SECISBP2L: variants seen among roughly 807,000 people sequenced by gnomAD.
SECISBP2L encodes SECIS binding protein 2 like.
In SECISBP2L, 43 loss-of-function variants were observed where a neutral mutation model predicts 114.7. The ratio of observed to expected loss-of-function variants is 0.38; its 90% confidence interval spans 0.29 to 0.48. The LOEUF (loss-of-function observed/expected upper bound fraction) is 0.48. Ranked by LOEUF, SECISBP2L falls within the 20% of genes least tolerant of loss-of-function variation. The pLI, the probability that SECISBP2L is intolerant of heterozygous loss-of-function variation, is 0.98. For synonymous variants in SECISBP2L, 451 were observed against 439.7 expected (o/e 1.03, Z -0.32); for missense variants, 1,136 against 1,301.1 (o/e 0.87, Z 1.95).
At chr15:49,005,860 C>T (rs1270016561) in intron 14 of SECISBP2L, among the ~76,000 whole-genome samples, 3 of 151,988 alleles carry the variant, frequency 2.0e-5, no homozygotes, top group Non-Finnish European at 4.4e-5. Context: ...ACGGTCTTTA[C>T]AATTTGGTAT....
Position 48,988,651 on chromosome 15 carries a change from A to C in SECISBP2L, c.*3593T>G, listed in dbSNP as rs1201699189. 2 of 456,254 alleles carry C rather than the reference A, an allele frequency of 4.4e-6. No homozygotes were observed. The highest frequency in any genetic ancestry group is 3.1e-5 in the South Asian group (2 of 64,546). 28.3% of individuals were successfully genotyped at this position (456,254 alleles called of 1,614,324 possible). A position where few individuals can be genotyped will look rare whatever the true frequency, so the allele number is the denominator to read the frequency against. Reference sequence around the variant, plus strand: ...TGAAAGGACAGATTTCATTTCAATAATCATTTTATTAGTACAGAAGAATCC... The same window carrying C: ...TGAAAGGACAGATTTCATTTCAATACTCATTTTATTAGTACAGAAGAATCC... On this transcript the variant is annotated 3_prime_UTR_variant, in exon 18 of 18. Transcript: ENST00000559471.
chr15:49,029,079 C>T (rs1357278597), intron 4 of SECISBP2L, among the ~76,000 whole-genome samples: 1 of 152,160 alleles, frequency 6.6e-6, no homozygotes, highest in Non-Finnish European at 1.5e-5. Flanking sequence ...GTCTCAAACT[C>T]CTGAGCTCAA....
rs373568178 is a variant in SECISBP2L, at chr15:49,033,062, C to T, written c.567G>A (p.Pro189=). Residue 189 remains proline, a synonymous_variant, in exon 4 of 18, where the codon CCG becomes CCA. Coordinates refer to ENST00000559471, the MANE Select transcript of SECISBP2L (RefSeq NM_001193489.2). ...LLQQHIKSKR[P]LVKNVATQKE... Reference sequence around the variant, plus strand: ...TCTGAGTAGCTACATTTTTCACCAGCGGCCTTTTGCTTTTTATGTGCTGTT... The same window carrying T: ...TCTGAGTAGCTACATTTTTCACCAGTGGCCTTTTGCTTTTTATGTGCTGTT... The T allele has an allele frequency of 1.3e-4, 208 of 1,613,768 alleles. 4 individuals are homozygous for T. Among genetic ancestry groups the T allele is most frequent in the South Asian group, 1.2e-3 (105 of 91,064 alleles).
chr15:49,032,025 T>C (rs998787636), intron 4 of SECISBP2L, among the ~76,000 whole-genome samples: 1 of 152,202 alleles, frequency 6.6e-6, no homozygotes, highest in Non-Finnish European at 1.5e-5. Flanking sequence ...GACTGTACTA[T>C]CAACAAGGCT....
chr15:48,992,715 T>C lies in SECISBP2L; in HGVS notation c.2835A>G (p.Glu945=). ...AGKSTASDKE[E]VKPDDLEWAS... is the part of the protein sequence containing the mutation. ...CCCATTCCAGGTCATCTGGCTTCAC[T>C]TCCTCTTTATCACTTGCTGTGGATT... Residue 945 remains glutamate (E), a synonymous_variant, in exon 18 of 18, where the codon GAA becomes GAG. Coordinates refer to ENST00000559471, the MANE Select transcript of SECISBP2L (RefSeq NM_001193489.2). The C allele has an allele frequency of 6.2e-7, 1 of 1,614,226 alleles. No individual in the cohort carries two copies. The highest frequency in any genetic ancestry group is 8.5e-7 in the Non-Finnish European group (1 of 1,180,036).
At chr15:48,997,244 GGAGTGA>G (rs1365011141) in intron 16 of SECISBP2L, among the ~76,000 whole-genome samples, 6 of 152,196 alleles carry the variant, frequency 3.9e-5, no homozygotes, top group African/African-American at 1.4e-4. Flanking sequence ...AGAATATAAA[GGAGTGA>G]GTGTATTCTG....
chr15:49,001,019 T>G lies in SECISBP2L; in HGVS notation c.2106A>C (p.Glu702Asp), dbSNP rs942217092. Residue 702 changes from glutamate (E) to aspartate (D), a missense_variant, in exon 15 of 18, where the codon GAA becomes GAC. Around this residue, in one of 2 missense-constraint regions of SECISBP2L, gnomAD observed 684 missense variants for 848.7 expected, o/e 0.81. Coordinates refer to ENST00000559471, the MANE Select transcript of SECISBP2L (RefSeq NM_001193489.2). The stretch of plus-strand genomic sequence containing the variant: ...TTACAGGATCTTTTTGGTAGATGCG[T>G]TCCTGGAAACTGACAAGCTCTTGGA... ...LLLQELVSFQ[E>D]RIYQKDPVRA... 1.9e-6 allele frequency: 3 copies of G among 1,613,724 alleles called. No homozygotes were observed. The highest frequency in any genetic ancestry group is 2.5e-6 in the Non-Finnish European group (3 of 1,179,866).
Position 49,017,547 on chromosome 15 carries a change from C to A in SECISBP2L, c.1251+1G>T. ...GCTTTTCTTTTTAAAGAGTTACTTA[C>A]TACTTTAGAAGAAAGTTTTTGTTGA... On this transcript the variant is annotated splice_donor_variant, in intron 9 of 17. Coordinates refer to ENST00000559471, the MANE Select transcript of SECISBP2L (RefSeq NM_001193489.2). LOFTEE classifies it high-confidence loss of function. 2 of 1,574,724 alleles carry A rather than the reference C, an allele frequency of 1.3e-6. No individual in the cohort carries two copies. Among genetic ancestry groups the A allele is most frequent in the Non-Finnish European group, 1.7e-6 (2 of 1,151,288 alleles).
intron 3 of SECISBP2L, among the ~76,000 whole-genome samples, chr15:49,033,728 A>G (rs1448488206): frequency 6.6e-6 from 1 of 152,134 alleles, no homozygotes; most frequent in Non-Finnish European, 1.5e-5. Context: ...GCTACCCAGG[A>G]AGCTAAGGCA....
intron 16 of SECISBP2L, 62 bp from the exon 17 acceptor site, chr15:48,996,648 G>T: frequency 2.1e-6 from 3 of 1,398,784 alleles, no homozygotes; most frequent in Non-Finnish European, 2.0e-6. Context: ...TCCTATTATG[G>T]ATAATAAATA....
chr15:49,034,669 G>GTTTTCTTTTTT (rs566718009), intron 3 of SECISBP2L, among the ~76,000 whole-genome samples: 2 of 132,136 alleles, frequency 1.5e-5, no homozygotes, highest in Non-Finnish European at 3.2e-5. Context: ...TATATCTTTT[G>GTTTTCTTTTTT]TTTTTTTTTT....
At chr15:49,010,797 C>T (rs1902422373) in intron 13 of SECISBP2L, among the ~76,000 whole-genome samples, 1 of 152,234 alleles carries the variant, frequency 6.6e-6, no homozygotes, top group African/African-American at 2.4e-5. Flanking sequence ...TAGGCGTGAG[C>T]CACTGCGCCC....
chr15:49,031,384 T>A (rs1010930204), intron 4 of SECISBP2L, among the ~76,000 whole-genome samples: 3 of 152,148 alleles, frequency 2.0e-5, no homozygotes, highest in East Asian at 3.8e-4. Context: ...ATCCCATATG[T>A]CTTCTCTAAG....
chr15:48,992,908 A>G lies in SECISBP2L; in HGVS notation c.2642T>C (p.Met881Thr). Residue 881 changes from methionine (M) to threonine (T), a missense_variant, in exon 18 of 18, where the codon ATG (methionine) becomes ACG (threonine). Met to Thr is a moderately conservative substitution (Grantham distance 81). Around this residue, in one of 2 missense-constraint regions of SECISBP2L, gnomAD observed 684 missense variants for 848.7 expected, o/e 0.81. Transcript: ENST00000559471. ...EKEYETNWRN[M>T]VETSDGLEAS... ...TTCCAGTCCATCTGAAGTTTCCACC[A>G]TGTTTCTCCAATTTGTTTCTACAAG... The G allele has an allele frequency of 6.2e-7, 1 of 1,611,808 alleles. No homozygotes were observed. The highest frequency in any genetic ancestry group is 8.5e-7 in the Non-Finnish European group (1 of 1,178,306).
rs773792823 is a variant in SECISBP2L at position 49,028,565 on chromosome 15, T to C, written c.782A>G (p.Gln261Arg). 71 of 1,614,060 alleles carry C rather than the reference T, an allele frequency of 4.4e-5. No individual in the cohort carries two copies. The highest frequency in any genetic ancestry group is 5.8e-5 in the Non-Finnish European group (68 of 1,180,022). The change falls in exon 5 of 18, where the codon CAG becomes CGG. Residue 261 changes from glutamine to arginine, a missense_variant. Around this residue, in one of 2 missense-constraint regions of SECISBP2L, gnomAD observed 452 missense variants for 452.3 expected, o/e 1.00. Transcript: ENST00000559471. ...GTCAATGTCGGCTTCACTAGCCCCC[T>C]GCTCACTAGAAGATTCAGCAGTAGG... ...SHPTAESSSE[Q>R]GASEADIDSD...
At chr15:49,043,186 GAAT>G (rs1903177226) in intron 1 of SECISBP2L, among the ~76,000 whole-genome samples, 1 of 151,938 alleles carries the variant, frequency 6.6e-6, no homozygotes, top group Admixed American at 6.6e-5. Flanking sequence ...ACGTATTACT[GAAT>G]AATAAACATT....
intron 11 of SECISBP2L, among the ~76,000 whole-genome samples, chr15:49,014,804 ATGTT>A (rs10556427): frequency 0.51 from 75,418 of 147,776 alleles, 21,014 homozygotes; most frequent in Non-Finnish European, 0.63. Flanking sequence ...CAACTGCTAA[ATGTT>A]TGTTTATGTA....
chr15:49,016,686 C>A lies in SECISBP2L; in HGVS notation c.1435G>T (p.Ala479Ser). 6.3e-7 allele frequency: 1 copy of A among 1,584,922 alleles called. No individual in the cohort carries two copies. The highest frequency in any genetic ancestry group is 1.8e-5 in the Admixed American group (1 of 54,242). The change falls in exon 11 of 18, where the codon GCA becomes TCA. Residue 479 changes from alanine to serine, a missense_variant. Around this residue, in one of 2 missense-constraint regions of SECISBP2L, gnomAD observed 684 missense variants for 848.7 expected, o/e 0.81. Coordinates refer to ENST00000559471, the MANE Select transcript of SECISBP2L (RefSeq NM_001193489.2). ...QKKLQEALSKAAGKKNKTPVQ... is the reference protein window; with the variant it reads ...QKKLQEALSKSAGKKNKTPVQ... ...GGTGTTTTATTCTTTTTTCCAGCTGCTTTTGATAAAGCTTCCTACAAAATA... is the reference window on the plus strand; with the variant it reads ...GGTGTTTTATTCTTTTTTCCAGCTGATTTTGATAAAGCTTCCTACAAAATA...
intron 10 of SECISBP2L, 25 bp from the exon 11 acceptor site, chr15:49,016,726 AT>A: frequency 5.3e-6 from 8 of 1,518,204 alleles, no homozygotes; most frequent in East Asian, 2.4e-5. Flanking sequence ...TAAAAAATTA[AT>A]TTTTTTGTTA....
Sources: gnomAD v4.1 joint callset for allele counts (sites outside exome capture counted in the v4.1 genomes callset) on GRCh38, gnomAD v4.1.1 for gene constraint, gnomAD v4.1.1 regional missense constraint, MANE v1.5 for transcripts, NCBI Gene and HGNC (gene_info 2026-07-23, HGNC 2026-07-21) for gene names.